Variants in CD2AP observed in about 807,000 individuals in gnomAD.
The protein encoded by CD2AP is CD2 associated protein.
Under a neutral mutation model 85.1 loss-of-function variants are expected in CD2AP, and 46 were observed. The ratio of observed to expected loss-of-function variants is 0.54; its 90% CI spans 0.43 to 0.69. The LOEUF (loss-of-function observed/expected upper bound fraction) is 0.69. Among genes scored for constraint, CD2AP ranks in the 30% least tolerant of loss-of-function variants. CD2AP has a pLI of 0.00. For synonymous variants in CD2AP, 255 were observed against 252.9 expected (o/e 1.01, Z -0.08); for missense variants, 769 against 729.5 (o/e 1.05, Z -0.62).
Position 47,503,443 on chromosome 6 carries a change from A to C in CD2AP, c.165+3A>C. On this transcript the variant is annotated splice_donor_region_variant and intron_variant, in intron 2 of 17. Coordinates refer to ENST00000359314, the MANE Select transcript of CD2AP (RefSeq NM_012120.3). ...TGTTCCCTGACAATTTCGTTAAGGT[A>C]AGTATTTTCAGTTAAATTTCTAGCT... The C allele has an allele frequency of 1.2e-6, 2 of 1,612,300 alleles. No individual in the cohort carries two copies. The highest frequency in any genetic ancestry group is 1.1e-5 in the South Asian group (1 of 91,040).
At chr6:47,557,828 G>A (rs1011283294) in intron 5 of CD2AP, among the ~76,000 whole-genome samples, 6 of 152,162 alleles carry the variant, frequency 3.9e-5, no homozygotes, top group African/African-American at 1.4e-4. Flanking sequence ...GGTTCCATAT[G>A]AAACATAAAG....
At chr6:47,564,673 G>C (rs1429828166) in intron 5 of CD2AP, among the ~76,000 whole-genome samples, 2 of 151,826 alleles carry the variant, frequency 1.3e-5, no homozygotes, top group African/African-American at 4.8e-5. Flanking sequence ...GCAAGTTTCT[G>C]CATATTGTTG....
At chr6:47,599,710 C>G (rs1582609964) in intron 13 of CD2AP, among the ~76,000 whole-genome samples, 1 of 151,984 alleles carries the variant, frequency 6.6e-6, no homozygotes, top group East Asian at 1.9e-4. Context: ...ATCTATTACT[C>G]CCTCTTTATA....
intron 14 of CD2AP, 105 bp downstream of exon 14, chr6:47,606,382 T>G: frequency 1.4e-6 from 1 of 736,900 alleles, no homozygotes; most frequent in African/African-American, 1.7e-5. Flanking sequence ...ATCAGGAGGA[T>G]AGCTCTTATA....
At chr6:47,622,456 C>A (rs1194982485) in intron 17 of CD2AP, among the ~76,000 whole-genome samples, 1 of 152,156 alleles carries the variant, frequency 6.6e-6, no homozygotes, top group Non-Finnish European at 1.5e-5. Flanking sequence ...CCCTATGGAT[C>A]CCTGTGGTGC....
intron 11 of CD2AP, among the ~76,000 whole-genome samples, chr6:47,590,080 T>G (rs1768750321): frequency 6.6e-6 from 1 of 152,098 alleles, no homozygotes; most frequent in Non-Finnish European, 1.5e-5. Context: ...TTTTGTGTCT[T>G]GTACTCATTC....
chr6:47,523,580 C>T (rs943757368), intron 2 of CD2AP, among the ~76,000 whole-genome samples: 6 of 152,106 alleles, frequency 3.9e-5, no homozygotes, highest in Non-Finnish European at 8.8e-5. Context: ...AGTATGTTTT[C>T]TGTTACTGTT....
chr6:47,600,701 G>T (rs545319584), intron 13 of CD2AP, among the ~76,000 whole-genome samples: 1 of 151,880 alleles, frequency 6.6e-6, no homozygotes. Context: ...AACAGAAAAA[G>T]AATCCTCATG....
intron 16 of CD2AP, among the ~76,000 whole-genome samples, chr6:47,611,337 CAAAT>C (rs954748742): frequency 2.7e-5 from 4 of 150,624 alleles, no homozygotes; most frequent in African/African-American, 9.7e-5. Flanking sequence ...ATTAGAACAA[CAAAT>C]AAATAATAAT....
chr6:47,485,622 C>T (rs370740553), intron 1 of CD2AP, among the ~76,000 whole-genome samples: 1 of 152,054 alleles, frequency 6.6e-6, no homozygotes, highest in Non-Finnish European at 1.5e-5. Flanking sequence ...TTTATAAAAT[C>T]TATAGTAGTG....
rs939956642 is a variant in CD2AP at position 47,580,914 on chromosome 6, A to G, written c.1045+14A>G. On this transcript the variant is annotated intron_variant, in intron 10 of 17. Coordinates refer to ENST00000359314, the MANE Select transcript of CD2AP (RefSeq NM_012120.3). ...CTAAGGCTCCAGGTATGTAAGAAGC[A>G]TATTATTCAGTTTGCTATTTTCCAT... 7 of 1,580,066 alleles carry G rather than the reference A, an allele frequency of 4.4e-6. No individual in the cohort carries two copies. The African/African-American group carries it at 6.7e-5, about 15-fold the overall frequency.
chr6:47,609,060 A>G, intron 15 of CD2AP, 63 bp from the exon 16 acceptor site: 1 of 1,272,762 alleles, frequency 7.9e-7, no homozygotes. Flanking sequence ...TCTTGCTGTT[A>G]AAATCTTTCG....
chr6:47,543,800 C>T (rs1238782389), intron 3 of CD2AP, among the ~76,000 whole-genome samples: 3 of 152,176 alleles, frequency 2.0e-5, no homozygotes, highest in African/African-American at 4.8e-5. Context: ...TTCGAGGGAA[C>T]TTTTTATTCA....
Position 47,610,949 on chromosome 6 carries a change from T to TTATA in CD2AP, c.1815-1508_1815-1505dup, listed in dbSNP as rs10580325. ...CTAGAACGGATAAAATATTTCTGAT[T>TTATA]TATATATATATATATATATGTATTT... is the stretch of plus-strand genomic sequence containing the variant. On this transcript the variant is annotated intron_variant, in intron 16 of 17. Coordinates refer to ENST00000359314, the MANE Select transcript of CD2AP (RefSeq NM_012120.3). Among the ~76,000 whole-genome samples the TTATA allele has an allele frequency of 2.7e-3, 306 of 114,168 alleles. 3 individuals are homozygous for TTATA. The highest frequency in any genetic ancestry group is 8.6e-3 in the African/African-American group (236 of 27,356). The allele number at this position is 114,168 out of a possible 152,430, so 74.9% of individuals were successfully genotyped here. A position where few individuals can be genotyped will look rare whatever the true frequency, so the allele number is the denominator to read the frequency against.
chr6:47,576,520 C>G lies in CD2AP; in HGVS notation c.730-4C>G. On this transcript the variant is annotated splice_region_variant and splice_polypyrimidine_tract_variant and intron_variant, in intron 6 of 17. Coordinates refer to ENST00000359314, the MANE Select transcript of CD2AP (RefSeq NM_012120.3). ...ATAGTTTATGCCATTTTTTTCTATTCTAGCCCTTAATCCTACAGTCACTGG... is the reference window on the plus strand; with the variant it reads ...ATAGTTTATGCCATTTTTTTCTATTGTAGCCCTTAATCCTACAGTCACTGG... The G allele has an allele frequency of 6.3e-7, 1 of 1,596,486 alleles. No individual in the cohort carries two copies. Among genetic ancestry groups the G allele is most frequent in the Non-Finnish European group, 8.6e-7 (1 of 1,164,628 alleles).
At position 47,544,665 on chromosome 6, in the gene CD2AP, C is replaced by A; in HGVS notation, c.379C>A (p.Leu127Met). Residue 127 changes from leucine to methionine, a missense_variant, in exon 4 of 18, where the codon CTG becomes ATG. Transcript: ENST00000359314. Reference sequence around the variant, plus strand: ...GTACATTCCACAAAATGAGGATGAACTGGAGCTGAAAGTGGGAGATATTAT... The same window carrying A: ...GTACATTCCACAAAATGAGGATGAAATGGAGCTGAAAGTGGGAGATATTAT... ...FEYIPQNEDE[L>M]ELKVGDIIDI... is the part of the protein sequence containing the mutation. 6.2e-7 allele frequency: 1 copy of A among 1,612,542 alleles called. No homozygotes were observed. Among genetic ancestry groups the A allele is most frequent in the Non-Finnish European group, 8.5e-7 (1 of 1,178,966 alleles).
At chr6:47,507,607 A>G (rs934385909) in intron 2 of CD2AP, among the ~76,000 whole-genome samples, 2 of 152,034 alleles carry the variant, frequency 1.3e-5, no homozygotes, top group African/African-American at 4.8e-5. Context: ...CACCACGCCC[A>G]GCTAATTGTT....
chr6:47,578,331 G>C (rs1013854438), intron 8 of CD2AP, among the ~76,000 whole-genome samples: 1 of 152,022 alleles, frequency 6.6e-6, no homozygotes, highest in Non-Finnish European at 1.5e-5. Context: ...CTCCTAAGTA[G>C]CTGAGACTAC....
At chr6:47,501,132 A>G (rs558849547) in intron 1 of CD2AP, among the ~76,000 whole-genome samples, 4 of 152,276 alleles carry the variant, frequency 2.6e-5, no homozygotes, top group African/African-American at 9.6e-5. Flanking sequence ...CACGCCTGTG[A>G]TCCTAGCACT....
Sources: allele counts gnomAD v4.1 joint callset (sites outside exome capture counted in the v4.1 genomes callset), GRCh38; gene constraint gnomAD v4.1.1; transcripts MANE v1.5; gene names NCBI Gene and HGNC (gene_info 2026-07-23, HGNC 2026-07-21).